DAW1: variants seen among roughly 807,000 people sequenced by gnomAD.
DAW1 encodes dynein assembly factor with WD repeats 1.
DAW1 carries 47 observed loss-of-function variants against 56.5 expected under a neutral mutation model. The ratio of observed to expected loss-of-function variants is 0.83; its 90% confidence interval spans 0.66 to 1.06. The LOEUF (loss-of-function observed/expected upper bound fraction) is 1.06. Among genes scored for constraint, DAW1 ranks in the 50% least tolerant of loss-of-function variants. The pLI is 0.00. For missense variants in DAW1, 505 were observed against 499.3 expected, an observed-to-expected ratio of 1.01 and a Z score of -0.11; for synonymous variants, 190 against 179.0, an observed-to-expected ratio of 1.06 and a Z score of -0.49.
At chr2:227,879,491 A>G (rs898280307) in intron 1 of DAW1, among the ~76,000 whole-genome samples, 1 of 151,896 alleles carries the variant, frequency 6.6e-6, no homozygotes, top group African/African-American at 2.4e-5. Context: ...GCTGATTATT[A>G]TTTGCCTTTA....
At chr2:227,908,171 G>A (rs144218855) in intron 10 of DAW1, among the ~76,000 whole-genome samples, 88 of 152,200 alleles carry the variant, frequency 5.8e-4, no homozygotes, top group African/African-American at 1.3e-3. Context: ...CTGTCTTATC[G>A]CCTAAGGATC....
chr2:227,902,650 G>A (rs956721148), intron 6 of DAW1, among the ~76,000 whole-genome samples: 5 of 152,122 alleles, frequency 3.3e-5, no homozygotes, highest in African/African-American at 1.2e-4. Context: ...GTGAGGGGCT[G>A]TGATTGGAAG....
intron 1 of DAW1, among the ~76,000 whole-genome samples, chr2:227,877,916 C>T (rs553145800): frequency 3.9e-5 from 6 of 152,208 alleles, no homozygotes; most frequent in Non-Finnish European, 5.9e-5. Flanking sequence ...TTTGTCACAG[C>T]GAAGCAGTCA....
intron 8 of DAW1, among the ~76,000 whole-genome samples, chr2:227,905,816 G>A (rs191984425): frequency 9.8e-5 from 15 of 152,324 alleles, no homozygotes; most frequent in East Asian, 9.6e-4. Flanking sequence ...GTGCAGTGGC[G>A]TGATCTCGGC....
At chr2:227,901,312 G>A (rs573016874) in intron 6 of DAW1, among the ~76,000 whole-genome samples, 1 of 152,182 alleles carries the variant, frequency 6.6e-6, no homozygotes, top group East Asian at 1.9e-4. Flanking sequence ...AAGAGGAGCA[G>A]GTTTGCATCT....
chr2:227,902,930 A>G (rs1022315489), intron 6 of DAW1, 72 bp from the exon 7 acceptor site: 3 of 1,462,664 alleles, frequency 2.1e-6, no homozygotes, highest in Admixed American at 3.5e-5. Flanking sequence ...TTGCATCTGG[A>G]AGATTTTCTG....
chr2:227,905,828 C>T (rs1691664190), intron 8 of DAW1, among the ~76,000 whole-genome samples: 1 of 152,176 alleles, frequency 6.6e-6, no homozygotes. Flanking sequence ...GATCTCGGCT[C>T]ACTGCAAGCT....
At position 227,906,255 on chromosome 2, in the gene DAW1, G is replaced by T; in HGVS notation, c.775G>T (p.Gly259Cys). 1 of 1,611,866 alleles carries T rather than the reference G, an allele frequency of 6.2e-7. No homozygotes were observed. Among genetic ancestry groups the T allele is most frequent in the Non-Finnish European group, 8.5e-7 (1 of 1,178,734 alleles). Residue 259 changes from glycine (G) to cysteine (C), a missense_variant, in exon 9 of 13, where the codon GGT becomes TGT. Physicochemically the swap from Gly to Cys is radical, Grantham distance 159. Transcript: ENST00000309931. ...DTGRKVNILI[G>C]HCAEISSASF... ...TTGTAGGAAGGTAAATATCTTAATT[G>T]GTCATTGTGCTGAGATTAGCAGTGC...
intron 4 of DAW1, 111 bp downstream of exon 4, chr2:227,891,424 G>A (rs975797899): frequency 4.4e-6 from 4 of 901,014 alleles, no homozygotes; most frequent in Admixed American, 2.1e-5. Context: ...TCTGATTTCA[G>A]TACTCCCTTG....
At chr2:227,923,852 C>T in intron 12 of DAW1, 82 bp from the exon 13 acceptor site, 2 of 1,549,848 alleles carry the variant, frequency 1.3e-6, no homozygotes, top group Non-Finnish European at 1.8e-6. Flanking sequence ...ACCAATGGCC[C>T]AGAAAATGTC....
At chr2:227,872,797 C>T (rs1690788862) in intron 1 of DAW1, among the ~76,000 whole-genome samples, 1 of 149,572 alleles carries the variant, frequency 6.7e-6, no homozygotes, top group South Asian at 2.1e-4. Flanking sequence ...ATTTCTTGGT[C>T]TAACATCCCT....
In DAW1 at chr2:227,923,837, T is replaced by TA. The variant is rs1433674081; in HGVS notation, c.1214-95dup. The TA allele has an allele frequency of 4.8e-6, 7 of 1,461,130 alleles. No individual in the cohort carries two copies. In the Admixed American group the frequency reaches 1.1e-4, roughly 23 times the overall value. 90.5% of individuals were successfully genotyped at this position (1,461,130 alleles called of 1,614,324 possible). On this transcript the variant is annotated intron_variant, in intron 12 of 12. Transcript: ENST00000309931. ...GAACCTAGCCCATTTAGCAAGTTGT[T>TA]AATTACCAATGGCCCAGAAAATGTC... is the stretch of plus-strand genomic sequence containing the variant.
chr2:227,883,646 G>C (rs1156946862), intron 1 of DAW1, among the ~76,000 whole-genome samples: 1 of 152,150 alleles, frequency 6.6e-6, no homozygotes, highest in Non-Finnish European at 1.5e-5. Flanking sequence ...ATCAGTGTCT[G>C]ACTACATTCT....
intron 9 of DAW1, among the ~76,000 whole-genome samples, chr2:227,906,576 G>C (rs778631562): frequency 3.9e-5 from 6 of 152,016 alleles, no homozygotes; most frequent in Non-Finnish European, 8.8e-5. Flanking sequence ...ATTTGAGAAG[G>C]CATTTTATTT....
intron 12 of DAW1, 90 bp downstream of exon 12, chr2:227,921,651 T>A: frequency 7.3e-7 from 1 of 1,363,176 alleles, no homozygotes. Flanking sequence ...TCATCCCCAT[T>A]CCCTACCTCT....
chr2:227,884,381 A>G lies in DAW1; in HGVS notation c.41-970A>G, dbSNP rs76650066. ...CCTTGGTATAATAGGTGATTTTTAAAAAATTGTATCCTAGACGTTTTGATT... is the reference window on the plus strand; with the variant it reads ...CCTTGGTATAATAGGTGATTTTTAAGAAATTGTATCCTAGACGTTTTGATT... On this transcript the variant is annotated intron_variant, in intron 1 of 12. Coordinates refer to ENST00000309931, the MANE Select transcript of DAW1 (RefSeq NM_178821.3). Among the ~76,000 whole-genome samples the G allele has an allele frequency of 2.8e-4, 43 of 152,332 alleles. No homozygotes were observed. In the East Asian group the frequency reaches 7.9e-3, roughly 28 times the overall value.
At chr2:227,906,143 A>G (rs1269859013) in intron 8 of DAW1, 93 bp from the exon 9 acceptor site, 6 of 873,240 alleles carry the variant, frequency 6.9e-6, no homozygotes, top group Non-Finnish European at 1.0e-5. Context: ...CAGATTTTAG[A>G]TTAGCTTACA....
intron 7 of DAW1, among the ~76,000 whole-genome samples, chr2:227,904,706 A>G (rs987340398): frequency 9.9e-5 from 15 of 152,100 alleles, no homozygotes; most frequent in East Asian, 1.9e-4. Flanking sequence ...AACTCACAGT[A>G]TTGTGCAGCC....
chr2:227,918,671 G>T, intron 10 of DAW1, 109 bp from the exon 11 acceptor site: 1 of 1,191,316 alleles, frequency 8.4e-7, no homozygotes, highest in South Asian at 1.4e-5. Flanking sequence ...GATGAACTTA[G>T]CACAGAGCTC....
Sources: allele counts gnomAD v4.1 joint callset (sites outside exome capture counted in the v4.1 genomes callset), GRCh38; gene constraint gnomAD v4.1.1; transcripts MANE v1.5; gene names NCBI Gene and HGNC (gene_info 2026-07-23, HGNC 2026-07-21).